DGKB: variants seen among roughly 807,000 people sequenced by gnomAD.
DGKB encodes 90 kDa diacylglycerol kinase.
In DGKB, 67 loss-of-function variants were observed where a neutral mutation model predicts 114.3. The observed-to-expected ratio is 0.59, with a 90% CI of 0.48 to 0.72. DGKB has a LOEUF of 0.72. DGKB is among the 30% of genes least tolerant of loss of function. The pLI, the probability that DGKB is intolerant of heterozygous loss-of-function variation, is 0.00. For missense variants in DGKB, 907 were observed against 975.2 expected (o/e 0.93, Z 0.93); for synonymous variants, 398 against 323.1 (o/e 1.23, Z -2.49).
chr7:14,725,920 T>G (rs1017089828), intron 5 of DGKB, among the ~76,000 whole-genome samples: 1 of 152,142 alleles, frequency 6.6e-6, no homozygotes, highest in Non-Finnish European at 1.5e-5. Context: ...TAATGAATAA[T>G]GGTAATGACT....
intron 5 of DGKB, among the ~76,000 whole-genome samples, chr7:14,725,738 G>T (rs2128371325): frequency 6.6e-6 from 1 of 152,122 alleles, no homozygotes; most frequent in African/African-American, 2.4e-5. Context: ...GGTAGAGACG[G>T]AGTTTCACCA....
chr7:14,248,382 T>C (rs1296490938), intron 23 of DGKB, among the ~76,000 whole-genome samples: 1 of 152,112 alleles, frequency 6.6e-6, no homozygotes, highest in Non-Finnish European at 1.5e-5. Context: ...TCTATTTCTG[T>C]GAAAAATGCC....
Position 14,432,541 on chromosome 7 carries a change from C to G in DGKB, c.1835+45620G>C, listed in dbSNP as rs535249220. Among the ~76,000 whole-genome samples, 3 of 152,248 alleles carry G rather than the reference C, an allele frequency of 2.0e-5. No homozygotes were observed. In the South Asian group the frequency reaches 6.2e-4, roughly 32 times the overall value. ...CTACTTCCTCAGATTTAGTTCTCCC[C>G]TCTCTAAATAGTGACTGTCAGTTAG... On this transcript the variant is annotated intron_variant, in intron 21 of 25. Coordinates refer to ENST00000402815, the MANE Select transcript of DGKB (RefSeq NM_001350709.2).
intron 19 of DGKB, among the ~76,000 whole-genome samples, chr7:14,579,030 T>C (rs933263946): frequency 2.6e-5 from 4 of 152,198 alleles, no homozygotes; most frequent in African/African-American, 9.6e-5. Context: ...CTCCTTCTTA[T>C]ATTTTAGGTC....
chr7:14,198,990 T>C lies in DGKB; in HGVS notation c.2123-20839A>G, dbSNP rs189924234. Reference sequence around the variant, plus strand: ...TCTGATTCCTAGTCCTAAATTTTGATTTAGCTAAAGGGCAACTTCAGGTAA... The same window carrying C: ...TCTGATTCCTAGTCCTAAATTTTGACTTAGCTAAAGGGCAACTTCAGGTAA... On this transcript the variant is annotated intron_variant, in intron 23 of 25. Transcript: ENST00000402815. Among the ~76,000 whole-genome samples, 362 of 152,190 alleles carry C rather than the reference T, an allele frequency of 2.4e-3. 2 individuals carry two copies. The Middle Eastern group carries it at 0.024, about 10-fold the overall frequency.
At chr7:14,804,283 A>G (rs950381085) in intron 2 of DGKB, among the ~76,000 whole-genome samples, 3 of 151,850 alleles carry the variant, frequency 2.0e-5, no homozygotes, top group Admixed American at 6.6e-5. Context: ...GATATCTTCT[A>G]TCTTTAAAAA....
chr7:14,257,989 A>G (rs1796196432), intron 23 of DGKB, among the ~76,000 whole-genome samples: 1 of 152,104 alleles, frequency 6.6e-6, no homozygotes, highest in Non-Finnish European at 1.5e-5. Context: ...CGGCCTCCCA[A>G]AGTGCTGGGA....
At chr7:14,739,360 G>A (rs999647269) in intron 4 of DGKB, among the ~76,000 whole-genome samples, 3 of 152,150 alleles carry the variant, frequency 2.0e-5, no homozygotes, top group Admixed American at 6.6e-5. Flanking sequence ...ATGTGCACTG[G>A]AAAAATGGGG....
chr7:14,603,401 T>C (rs1262530419), intron 17 of DGKB, among the ~76,000 whole-genome samples: 2 of 152,154 alleles, frequency 1.3e-5, no homozygotes, highest in East Asian at 3.8e-4. Flanking sequence ...ATTCTGTTCA[T>C]TTCTGTGTCA....
intron 5 of DGKB, among the ~76,000 whole-genome samples, chr7:14,723,772 T>C (rs1211629617): frequency 6.6e-6 from 1 of 152,170 alleles, no homozygotes; most frequent in African/African-American, 2.4e-5. Flanking sequence ...TACACATTCT[T>C]TTCTTCAAAG....
At chr7:14,647,803 G>A (rs1027484764) in intron 13 of DGKB, among the ~76,000 whole-genome samples, 26 of 152,342 alleles carry the variant, frequency 1.7e-4, no homozygotes, top group East Asian at 1.5e-3. Flanking sequence ...TGCGCGAGCC[G>A]AAGCAGGGCG....
chr7:14,427,951 T>G (rs1583863274), intron 21 of DGKB, among the ~76,000 whole-genome samples: 1 of 152,248 alleles, frequency 6.6e-6, no homozygotes, highest in South Asian at 2.1e-4. Flanking sequence ...ATTATATCTT[T>G]CTCTATGTTT....
chr7:14,576,892 T>A (rs1353291163), intron 19 of DGKB, among the ~76,000 whole-genome samples: 1 of 152,140 alleles, frequency 6.6e-6, no homozygotes, highest in Non-Finnish European at 1.5e-5. Context: ...AAAGAGGCAA[T>A]AAATAAATCT....
chr7:14,342,366 G>A (rs1362497374), intron 22 of DGKB, among the ~76,000 whole-genome samples: 1 of 151,774 alleles, frequency 6.6e-6, no homozygotes, highest in East Asian at 1.9e-4. Context: ...CATGAACTCT[G>A]TATCTTCAAT....
chr7:14,429,638 G>T (rs1828119252), intron 21 of DGKB, among the ~76,000 whole-genome samples: 1 of 152,064 alleles, frequency 6.6e-6, no homozygotes, highest in South Asian at 2.1e-4. Flanking sequence ...AATGTATTTT[G>T]GGGGCCAGGC....
chr7:14,807,705 C>T (rs955856732), intron 2 of DGKB, among the ~76,000 whole-genome samples: 5 of 151,852 alleles, frequency 3.3e-5, no homozygotes, highest in African/African-American at 9.7e-5. Flanking sequence ...CTCTTGCTTT[C>T]GATGATGATG....
At chr7:14,969,641 C>T (rs1051641660) in intron 1 of DGKB, among the ~76,000 whole-genome samples, 3 of 152,090 alleles carry the variant, frequency 2.0e-5, no homozygotes, top group Non-Finnish European at 4.4e-5. Context: ...GTTGTGTGCT[C>T]GTTATGAGAG....
At chr7:14,333,374 T>C (rs1355693231) in intron 23 of DGKB, among the ~76,000 whole-genome samples, 1 of 148,720 alleles carries the variant, frequency 6.7e-6, no homozygotes, top group Admixed American at 6.8e-5. Flanking sequence ...GGCAGGAGAA[T>C]GGCGTGAACC....
chr7:14,826,941 C>T (rs972529944), intron 2 of DGKB, among the ~76,000 whole-genome samples: 2 of 152,064 alleles, frequency 1.3e-5, no homozygotes, highest in Non-Finnish European at 2.9e-5. Context: ...TCTAAAATAG[C>T]CTAGTGAGCC....
Sources: allele counts gnomAD v4.1 joint callset (sites outside exome capture counted in the v4.1 genomes callset), GRCh38; gene constraint gnomAD v4.1.1; transcripts MANE v1.5; gene names NCBI Gene and HGNC (gene_info 2026-07-23, HGNC 2026-07-21).